Variants in MTMR3 observed in about 807,000 individuals in gnomAD.
MTMR3 encodes the protein myotubularin related protein 3.
A neutral mutation model predicts 132.4 loss-of-function variants in MTMR3; 32 were observed. The ratio of observed to expected loss-of-function variants is 0.24; its 90% CI spans 0.18 to 0.32. The LOEUF is 0.32. Ranked by LOEUF, MTMR3 falls within the 10% of genes least tolerant of loss-of-function variation. The pLI is 1.00. For synonymous variants in MTMR3, 556 were observed against 550.3 expected, an observed-to-expected ratio of 1.01 and a Z score of -0.14; for missense variants, 1,216 against 1,489.6, an observed-to-expected ratio of 0.82 and a Z score of 3.02.
chr22:29,888,898 C>T (rs775493052), intron 1 of MTMR3, among the ~76,000 whole-genome samples: 2 of 151,330 alleles, frequency 1.3e-5, no homozygotes, highest in Non-Finnish European at 2.9e-5. Flanking sequence ...CCTCAGCCTC[C>T]CCAAGTCGTT....
In MTMR3 at chr22:30,019,822, T is replaced by C; in HGVS notation, c.2163T>C (p.Pro721=). The change falls in exon 17 of 20, where the codon CCT becomes CCC. Residue 721 remains proline, a synonymous_variant. Transcript: ENST00000401950. ...AGATACAGGAGGGTAAAGAGGACCC[T>C]CTCTTAGAAAAGGAGAGCAGGAGGA... ...GIEIQEGKED[P]LLEKESRRKT... is the part of the protein sequence containing the mutation. The C allele has an allele frequency of 6.2e-7, 1 of 1,614,104 alleles. No individual in the cohort carries two copies. The highest frequency in any genetic ancestry group is 8.5e-7 in the Non-Finnish European group (1 of 1,180,008).
chr22:29,999,439 T>A (rs901463701), intron 8 of MTMR3: 1 of 152,264 alleles, frequency 6.6e-6, no homozygotes, highest in African/African-American at 2.4e-5. Flanking sequence ...TTGTCTCATA[T>A]ACACATTATA....
In MTMR3 at chr22:29,972,462, TG is replaced by T. The variant is rs537191998; in HGVS notation, c.3+1402del. Among the ~76,000 whole-genome samples, 79 of 152,336 alleles carry T rather than the reference TG, an allele frequency of 5.2e-4. 5 individuals carry two copies. The South Asian group carries it at 0.016, about 31-fold the overall frequency. ...TGTGTGTACTAGTTGGGGAGTAGCA[TG>T]GCCATGTATGTATCTTTTGTTTTTG... On this transcript the variant is annotated intron_variant, in intron 3 of 19. Coordinates refer to ENST00000401950, the MANE Select transcript of MTMR3 (RefSeq NM_021090.4).
intron 1 of MTMR3, among the ~76,000 whole-genome samples, chr22:29,924,131 CCT>C (rs1267286569): frequency 6.6e-6 from 1 of 152,044 alleles, no homozygotes; most frequent in Non-Finnish European, 1.5e-5. Flanking sequence ...AAGCTTTTCC[CCT>C]GTTTTCTTCT....
At chr22:29,989,810 C>T (rs1225043335) in intron 6 of MTMR3, 6 of 152,148 alleles carry the variant, frequency 3.9e-5, no homozygotes, top group African/African-American at 4.8e-5. Context: ...ATAATTTCTG[C>T]GTTTTCTCTC....
At chr22:29,911,482 G>A (rs961347570) in intron 1 of MTMR3, among the ~76,000 whole-genome samples, 2 of 152,220 alleles carry the variant, frequency 1.3e-5, no homozygotes, top group Non-Finnish European at 1.5e-5. Context: ...GGTCAAGGTT[G>A]CAGTGAGCCA....
chr22:29,990,291 AG>A (rs1264276512), intron 6 of MTMR3: 1 of 152,180 alleles, frequency 6.6e-6, no homozygotes, highest in Admixed American at 6.5e-5. Flanking sequence ...ATAGCTCTAG[AG>A]GTCTTAAATT....
At chr22:29,983,414 C>G (rs2066793639) in intron 5 of MTMR3, 1 of 151,976 alleles carries the variant, frequency 6.6e-6, no homozygotes, top group Admixed American at 6.6e-5. Context: ...CTCCTGGGCT[C>G]AAGTTATTCT....
chr22:29,893,113 A>G (rs188227940), intron 1 of MTMR3, among the ~76,000 whole-genome samples: 14 of 152,346 alleles, frequency 9.2e-5, no homozygotes, highest in South Asian at 2.1e-4. Flanking sequence ...TTTGTGGACT[A>G]TTTAAACTCC....
chr22:29,969,823 C>A lies in MTMR3; in HGVS notation c.-84-1153C>A, dbSNP rs139219726. Among the ~76,000 whole-genome samples the A allele has an allele frequency of 3.4e-3, 525 of 152,314 alleles. 12 individuals carry two copies. In the East Asian group the frequency reaches 0.061, roughly 18 times the overall value. ...GGGATTACAGGCGTGAGCCACCACA[C>A]CCGGCCAAAATGATTCTTTAGAGTA... On this transcript the variant is annotated intron_variant, in intron 2 of 19. Coordinates refer to ENST00000401950, the MANE Select transcript of MTMR3 (RefSeq NM_021090.4).
chr22:30,025,518 G>A, intron 19 of MTMR3, 112 bp from the exon 20 acceptor site: 2 of 1,125,248 alleles, frequency 1.8e-6, no homozygotes, highest in South Asian at 2.8e-5. Context: ...TTGATCTCAA[G>A]GAGCTCCAGC....
chr22:29,955,350 A>G (rs2066166938), intron 1 of MTMR3, among the ~76,000 whole-genome samples: 1 of 152,236 alleles, frequency 6.6e-6, no homozygotes, highest in South Asian at 2.1e-4. Context: ...AAAAAGGAAA[A>G]TAATTTGTAA....
chr22:30,006,958 T>A (rs1601409080), intron 9 of MTMR3, 156 bp from the exon 10 acceptor site: 1 of 660,994 alleles, frequency 1.5e-6, no homozygotes. Flanking sequence ...TTGTTGGTTG[T>A]GTAAGATTTC....
intron 7 of MTMR3, chr22:29,993,471 G>C (rs368636687): frequency 1.3e-5 from 2 of 151,950 alleles, no homozygotes; most frequent in African/African-American, 4.8e-5. Flanking sequence ...CTTAATGAGT[G>C]CATCCTACTG....
chr22:30,004,759 G>T (rs2067242169), intron 9 of MTMR3: 1 of 152,216 alleles, frequency 6.6e-6, no homozygotes, highest in Non-Finnish European at 1.5e-5. Context: ...CTTTGTAAGG[G>T]GCGTGTGGAA....
rs185654560 is a variant in MTMR3, at chr22:29,984,861, A to G, written c.211-3619A>G. 8 of 152,280 alleles carry G rather than the reference A, an allele frequency of 5.3e-5. No individual in the cohort carries two copies. The East Asian group carries it at 1.5e-3, about 29-fold the overall frequency. The allele number at this position is 152,280 out of a possible 1,614,324, so 9.4% of individuals were successfully genotyped here. On this transcript the variant is annotated intron_variant, in intron 5 of 19. Coordinates refer to ENST00000401950, the MANE Select transcript of MTMR3 (RefSeq NM_021090.4). ...AAAACTAAAGTAGAGCTCATATGGAAGAGAAGCCCACGTGTAGGGGCAGAA... is the reference window on the plus strand; with the variant it reads ...AAAACTAAAGTAGAGCTCATATGGAGGAGAAGCCCACGTGTAGGGGCAGAA...
At chr22:29,963,630 C>A (rs2066357908) in intron 2 of MTMR3, among the ~76,000 whole-genome samples, 1 of 152,044 alleles carries the variant, frequency 6.6e-6, no homozygotes, top group African/African-American at 2.4e-5. Context: ...TTGTGATCTG[C>A]CCTCTTCAGC....
intron 9 of MTMR3, chr22:30,006,525 T>G (rs2067276252): frequency 6.5e-6 from 1 of 152,926 alleles, no homozygotes; most frequent in African/African-American, 2.4e-5. Flanking sequence ...GAATATTGAT[T>G]TATTTTCACT....
chr22:29,979,083 G>A (rs199912960), intron 5 of MTMR3, 31 bp downstream of exon 5: 30 of 1,419,082 alleles, frequency 2.1e-5, no homozygotes, highest in Middle Eastern at 1.7e-4. Flanking sequence ...CTCCCTCTAA[G>A]GTAAATGGAG....
Sources: allele counts gnomAD v4.1 joint callset (sites outside exome capture counted in the v4.1 genomes callset), GRCh38; gene constraint gnomAD v4.1.1; transcripts MANE v1.5; gene names NCBI Gene and HGNC (gene_info 2026-07-23, HGNC 2026-07-21).